Variants in SLC4A10 observed in about 807,000 individuals in gnomAD.
SLC4A10 encodes the protein solute carrier family 4 member 10.
A neutral mutation model predicts 137.7 loss-of-function variants in SLC4A10; 42 were observed. That is an observed-to-expected ratio of 0.30 (90% CI 0.24 to 0.39). The LOEUF is 0.39. SLC4A10 is among the 10% of genes least tolerant of loss of function. The pLI, the probability that SLC4A10 is intolerant of heterozygous loss-of-function variation, is 1.00. For missense variants in SLC4A10, 925 were observed against 1,355.0 expected, an observed-to-expected ratio of 0.68 and a Z score of 4.98; for synonymous variants, 474 against 464.1, an observed-to-expected ratio of 1.02 and a Z score of -0.27.
At chr2:161,703,393 A>G (rs141125616) in intron 1 of SLC4A10, among the ~76,000 whole-genome samples, 311 of 151,820 alleles carry the variant, frequency 2.0e-3, no homozygotes, top group Middle Eastern at 6.8e-3. Flanking sequence ...ATGTTAATAT[A>G]ATACTTGGTA....
At chr2:161,935,084 G>A (rs2105688653) in intron 15 of SLC4A10, among the ~76,000 whole-genome samples, 1 of 152,254 alleles carries the variant, frequency 6.6e-6, no homozygotes, top group East Asian at 1.9e-4. Context: ...ATAAGGGTCT[G>A]ATTTCATTCT....
intron 1 of SLC4A10, among the ~76,000 whole-genome samples, chr2:161,691,799 T>C (rs1275526053): frequency 6.6e-6 from 1 of 152,132 alleles, no homozygotes; most frequent in South Asian, 2.1e-4. Context: ...ATTTGTTGAA[T>C]GTTTATATAT....
chr2:161,979,663 T>G (rs969663476), intron 26 of SLC4A10, among the ~76,000 whole-genome samples: 3 of 152,200 alleles, frequency 2.0e-5, no homozygotes, highest in African/African-American at 7.2e-5. Context: ...TTTTGTGGTA[T>G]CTGTTAAAGG....
chr2:161,776,856 G>GGTGTGTGTGT (rs71009340), intron 2 of SLC4A10, among the ~76,000 whole-genome samples: 2,150 of 143,180 alleles, frequency 0.015, 50 homozygotes, highest in African/African-American at 0.052. Flanking sequence ...CTTATTTTCT[G>GGTGTGTGTGT]GTGTGTGTGT....
chr2:161,785,810 A>G (rs1456840211), intron 2 of SLC4A10, among the ~76,000 whole-genome samples: 3 of 151,952 alleles, frequency 2.0e-5, no homozygotes, highest in Non-Finnish European at 4.4e-5. Context: ...TGCTACTTCC[A>G]TTCAACATAG....
chr2:161,671,935 G>T (rs2105791063), intron 1 of SLC4A10, among the ~76,000 whole-genome samples: 1 of 152,296 alleles, frequency 6.6e-6, no homozygotes, highest in African/African-American at 2.4e-5. Context: ...GTGTTTTGGT[G>T]ATGAGAGGAA....
At chr2:161,943,895 G>A (rs955359622) in intron 16 of SLC4A10, among the ~76,000 whole-genome samples, 4 of 151,970 alleles carry the variant, frequency 2.6e-5, no homozygotes, top group African/African-American at 9.6e-5. Flanking sequence ...CTTGTAAAGA[G>A]CATATGATCT....
chr2:161,911,179 T>G (rs574074215), intron 15 of SLC4A10, among the ~76,000 whole-genome samples: 1 of 152,174 alleles, frequency 6.6e-6, no homozygotes, highest in South Asian at 2.1e-4. Context: ...CCAATCTTGT[T>G]CGCTAAGTAA....
At chr2:161,927,831 C>G (rs891072630) in intron 15 of SLC4A10, among the ~76,000 whole-genome samples, 1 of 152,214 alleles carries the variant, frequency 6.6e-6, no homozygotes, top group East Asian at 1.9e-4. Context: ...GATACCATCT[C>G]ACACCACTTA....
chr2:161,719,836 T>C (rs1254556352), intron 1 of SLC4A10, among the ~76,000 whole-genome samples: 2 of 151,858 alleles, frequency 1.3e-5, no homozygotes, highest in South Asian at 2.1e-4. Context: ...TTCTCCCATT[T>C]TGTAGGTTGC....
At chr2:161,734,419 C>T (rs902491120) in intron 1 of SLC4A10, among the ~76,000 whole-genome samples, 1 of 152,068 alleles carries the variant, frequency 6.6e-6, no homozygotes, top group African/African-American at 2.4e-5. Flanking sequence ...TTTTTCTTGC[C>T]ACTGCCATGT....
chr2:161,729,818 A>G (rs1447674064), intron 1 of SLC4A10, among the ~76,000 whole-genome samples: 3 of 152,144 alleles, frequency 2.0e-5, no homozygotes, highest in Admixed American at 6.6e-5. Flanking sequence ...CCTTCTCATC[A>G]CCTTTCACTA....
At chr2:161,841,897 C>T (rs765676872) in intron 4 of SLC4A10, among the ~76,000 whole-genome samples, 7 of 152,058 alleles carry the variant, frequency 4.6e-5, no homozygotes, top group African/African-American at 1.2e-4. Context: ...GCTAAATCTG[C>T]GTGTAAATAT....
At chr2:161,770,858 C>T (rs1167571353) in intron 1 of SLC4A10, 115 bp from the exon 2 acceptor site, 8 of 672,910 alleles carry the variant, frequency 1.2e-5, no homozygotes, top group Non-Finnish European at 2.0e-5. Flanking sequence ...TCATGAACAA[C>T]TAGATTTAAA....
At chr2:161,817,179 G>T (rs1031701482) in intron 3 of SLC4A10, among the ~76,000 whole-genome samples, 1 of 152,156 alleles carries the variant, frequency 6.6e-6, no homozygotes, top group African/African-American at 2.4e-5. Flanking sequence ...ATTCTAAGTG[G>T]TATGAGATGG....
intron 1 of SLC4A10, among the ~76,000 whole-genome samples, chr2:161,704,645 A>G (rs1369851614): frequency 6.6e-6 from 1 of 151,692 alleles, no homozygotes; most frequent in African/African-American, 2.4e-5. Context: ...TATGTTTTAC[A>G]TAGTTGAGGT....
intron 1 of SLC4A10, among the ~76,000 whole-genome samples, chr2:161,719,301 C>G (rs1026437885): frequency 3.3e-5 from 5 of 152,078 alleles, no homozygotes; most frequent in African/African-American, 1.2e-4. Flanking sequence ...TCCAGTCTAT[C>G]ATTGTTGGAC....
chr2:161,690,780 G>A (rs1325164097), intron 1 of SLC4A10, among the ~76,000 whole-genome samples: 1 of 151,968 alleles, frequency 6.6e-6, no homozygotes, highest in African/African-American at 2.4e-5. Flanking sequence ...CACACACTGG[G>A]GCCTGTGGCA....
chr2:161,921,975 A>G (rs1688223771), intron 15 of SLC4A10, among the ~76,000 whole-genome samples: 1 of 152,316 alleles, frequency 6.6e-6, no homozygotes, highest in Admixed American at 6.5e-5. Flanking sequence ...GCTGCCTGCT[A>G]TGGGCCAGGT....
Sources: gnomAD v4.1 joint callset for allele counts (sites outside exome capture counted in the v4.1 genomes callset) on GRCh38, gnomAD v4.1.1 for gene constraint, MANE v1.5 for transcripts, NCBI Gene and HGNC (gene_info 2026-07-23, HGNC 2026-07-21) for gene names.